Variants in GRIN2D observed in about 807,000 individuals in gnomAD.
GRIN2D encodes the protein glutamate ionotropic receptor NMDA type subunit 2D, also known as glutamate receptor ionotropic, NMDA 2D.
A neutral mutation model predicts 103.2 loss-of-function variants in GRIN2D; 37 were observed. The ratio of observed to expected loss-of-function variants is 0.36; its 90% confidence interval spans 0.28 to 0.47. The LOEUF (loss-of-function observed/expected upper bound fraction) is 0.47. GRIN2D is among the 20% of genes least tolerant of loss of function. The pLI, the probability that GRIN2D is intolerant of heterozygous loss-of-function variation, is 1.00. For synonymous variants in GRIN2D, 845 were observed against 885.6 expected (o/e 0.95, Z 0.81); for missense variants, 1,557 against 1,910.6 (o/e 0.81, Z 3.45).
At position 48,428,770 on chromosome 19, in the gene GRIN2D, C is replaced by G. The variant is rs191992358; in HGVS notation, c.2252+6825C>G. On this transcript the variant is annotated intron_variant, in intron 11 of 13. Transcript: ENST00000263269. ...CAGAGGCCCTATATACAAATAAGGT[C>G]GCATTCTGAAGTACTAGGGGCTAGG... 1.4e-4 allele frequency among the ~76,000 whole-genome samples: 21 copies of G among 152,208 alleles called. No individual in the cohort carries two copies. The East Asian group carries it at 3.9e-3, about 28-fold the overall frequency.
At chr19:48,426,078 A>C (rs1971081706) in intron 11 of GRIN2D, among the ~76,000 whole-genome samples, 1 of 152,188 alleles carries the variant, frequency 6.6e-6, no homozygotes, top group Non-Finnish European at 1.5e-5. Flanking sequence ...TTCATTGCTG[A>C]ATACCGTTGA....
rs1971301283 is a variant in GRIN2D at position 48,442,050 on chromosome 19, G to C, written c.2440+94G>C. 6.6e-7 allele frequency: 1 copy of C among 1,507,892 alleles called. No individual in the cohort carries two copies. The highest frequency in any genetic ancestry group is 1.7e-5 in the Admixed American group (1 of 58,094). The allele number at this position is 1,507,892 out of a possible 1,614,324, so 93.4% of individuals were successfully genotyped here. A position where few individuals can be genotyped will look rare whatever the true frequency, so the allele number is the denominator to read the frequency against. ...AAGGGACAAAGACCCGGACACCAGG[G>C]TCTGAGGGAGGAAGGGGCTAAGGGC... On this transcript the variant is annotated intron_variant, in intron 12 of 13. Transcript: ENST00000263269. The surrounding 1 kb of genome is among the most constrained non-coding windows in gnomAD (Gnocchi z 7.2).
rs1970674105 is a variant in GRIN2D, at chr19:48,398,765, G to A, written c.373G>A (p.Ala125Thr). ...VVFEDDSRAPAVAPILDFLSA... is the reference protein window; with the variant it reads ...VVFEDDSRAPTVAPILDFLSA... ...CTTCGAAGACGACTCGCGCGCGCCC[G>A]CCGTCGCGCCCATCCTCGACTTCCT... is the stretch of plus-strand genomic sequence containing the variant. The change falls in exon 3 of 14, where the codon GCC becomes ACC. Residue 125 changes from alanine (A) to threonine (T), a missense_variant. Physicochemically the swap from Ala to Thr is moderately conservative, Grantham distance 58. Transcript: ENST00000263269. 1 of 1,465,004 alleles carries A rather than the reference G, an allele frequency of 6.8e-7. No individual in the cohort carries two copies. Among genetic ancestry groups the A allele is most frequent in the Non-Finnish European group, 9.0e-7 (1 of 1,114,146 alleles). 90.8% of individuals were successfully genotyped at this position (1,465,004 alleles called of 1,614,324 possible). A position where few individuals can be genotyped will look rare whatever the true frequency, so the allele number is the denominator to read the frequency against.
chr19:48,443,987 C>G lies in GRIN2D; in HGVS notation c.*50C>G. The G allele has an allele frequency of 8.1e-7, 1 of 1,227,402 alleles. No homozygotes were observed. Among genetic ancestry groups the G allele is most frequent in the Non-Finnish European group, 1.1e-6 (1 of 947,638 alleles). The allele number at this position is 1,227,402 out of a possible 1,614,324, so 76.0% of individuals were successfully genotyped here. On this transcript the variant is annotated 3_prime_UTR_variant, in exon 14 of 14. Coordinates refer to ENST00000263269, the MANE Select transcript of GRIN2D (RefSeq NM_000836.4). The surrounding 1 kb of genome is among the most constrained non-coding windows in gnomAD (Gnocchi z 8.9). ...CCCTTGGTCAGCGCAGGCCACGGCC[C>G]GAGGGGGCGCCCGCAGTGGACAGGA...
Position 48,443,952 on chromosome 19 carries a change from C to A in GRIN2D, c.*15C>A, listed in dbSNP as rs1238857318. Reference sequence around the variant, plus strand: ...CCGAGGTATGACGCGGCCCCGGGGGCCCCACCGCCCCCTTGGTCAGCGCAG... The same window carrying A: ...CCGAGGTATGACGCGGCCCCGGGGGACCCACCGCCCCCTTGGTCAGCGCAG... On this transcript the variant is annotated 3_prime_UTR_variant, in exon 14 of 14. Transcript: ENST00000263269. The surrounding 1 kb of genome is among the most constrained non-coding windows in gnomAD (Gnocchi z 8.9). 7.3e-7 allele frequency: 1 copy of A among 1,375,034 alleles called. No homozygotes were observed. The highest frequency in any genetic ancestry group is 9.4e-7 in the Non-Finnish European group (1 of 1,062,040). 85.2% of individuals were successfully genotyped at this position (1,375,034 alleles called of 1,614,324 possible). A position where few individuals can be genotyped will look rare whatever the true frequency, so the allele number is the denominator to read the frequency against.
Position 48,444,098 on chromosome 19 carries a change from G to A in GRIN2D, c.*161G>A. 2.2e-6 allele frequency: 1 copy of A among 456,710 alleles called. No individual in the cohort carries two copies. Among genetic ancestry groups the A allele is most frequent in the Non-Finnish European group, 3.8e-6 (1 of 265,460 alleles). 28.3% of individuals were successfully genotyped at this position (456,710 alleles called of 1,614,324 possible). On this transcript the variant is annotated 3_prime_UTR_variant, in exon 14 of 14. Transcript: ENST00000263269. The surrounding 1 kb of genome is among the most constrained non-coding windows in gnomAD (Gnocchi z 5.5). Reference sequence around the variant, plus strand: ...TGCGCCCCCTGGTTCTGGAGGAACCGCAAGCCGGAGAGGATTTGGTCCCTC... The same window carrying A: ...TGCGCCCCCTGGTTCTGGAGGAACCACAAGCCGGAGAGGATTTGGTCCCTC...
chr19:48,443,177 G>C lies in GRIN2D; in HGVS notation c.3251G>C (p.Gly1084Ala). 2 of 1,069,452 alleles carry C rather than the reference G, an allele frequency of 1.9e-6. No individual in the cohort carries two copies. The highest frequency in any genetic ancestry group is 5.1e-5 in the East Asian group (1 of 19,502). 66.2% of individuals were successfully genotyped at this position (1,069,452 alleles called of 1,614,324 possible). Reference protein sequence around the residue: ...PGAGGAGGTGGAGGGAPAAPP... With the variant: ...PGAGGAGGTGAAGGGAPAAPP... The stretch of plus-strand genomic sequence containing the variant: ...GCGGGCGGCGCGGGGGGCACGGGGG[G>C]CGCAGGCGGAGGAGCCCCGGCCGCT... Residue 1084 changes from glycine to alanine, a missense_variant, in exon 14 of 14, where the codon GGC becomes GCC. By Grantham distance (60) the Gly-to-Ala change is moderately conservative (BLOSUM62 0). This residue lies in a region of GRIN2D where 632 missense variants were observed against 572.8 expected (regional missense o/e 1.10). Transcript: ENST00000263269. The surrounding 1 kb of genome is among the most constrained non-coding windows in gnomAD (Gnocchi z 8.9).
chr19:48,436,295 C>T (rs964880943), intron 11 of GRIN2D, among the ~76,000 whole-genome samples: 4 of 151,798 alleles, frequency 2.6e-5, no homozygotes, highest in Non-Finnish European at 4.4e-5. Context: ...CACAGGCGGT[C>T]GAAGTGAGGT....
intron 11 of GRIN2D, among the ~76,000 whole-genome samples, chr19:48,428,642 C>T (rs1482430912): frequency 2.0e-5 from 3 of 152,106 alleles, no homozygotes; most frequent in Admixed American, 1.3e-4. Context: ...GGATTACAGG[C>T]GTGAGCCACT....
intron 10 of GRIN2D, among the ~76,000 whole-genome samples, 165 bp downstream of exon 10, chr19:48,419,979 T>C (rs1439929504): frequency 6.6e-6 from 1 of 151,244 alleles, no homozygotes; most frequent in Non-Finnish European, 1.5e-5. Flanking sequence ...AATGGTAGAA[T>C]GGAATGTTGT....
intron 11 of GRIN2D, among the ~76,000 whole-genome samples, chr19:48,435,372 G>A (rs571044136): frequency 3.6e-5 from 5 of 138,882 alleles, no homozygotes; most frequent in East Asian, 2.2e-4. Flanking sequence ...TCACTGCAAC[G>A]TCCGCCTCCC....
At chr19:48,432,729 G>C (rs1462755727) in intron 11 of GRIN2D, among the ~76,000 whole-genome samples, 1 of 151,354 alleles carries the variant, frequency 6.6e-6, no homozygotes, top group African/African-American at 2.4e-5. Flanking sequence ...AAAGTGTTAG[G>C]ATTACAGGTG....
chr19:48,426,932 G>GTCCCCCCCCAAACACTTC (rs1354738371), intron 11 of GRIN2D, among the ~76,000 whole-genome samples: 7 of 152,100 alleles, frequency 4.6e-5, no homozygotes, highest in Non-Finnish European at 7.3e-5. Context: ...GTGTTTGGGG[G>GTCCCCCCCCAAACACTTC]ACATACACAT....
At chr19:48,415,183 C>G (rs1970929228) in intron 7 of GRIN2D, 151 bp downstream of exon 7, 1 of 692,228 alleles carries the variant, frequency 1.4e-6, no homozygotes, top group South Asian at 2.0e-5. Flanking sequence ...CCAGTTTGGG[C>G]AAAACGGTGA....
rs577903365 is a variant in GRIN2D, at chr19:48,398,767, C to T, written c.375C>T (p.Ala125=). 2.6e-4 allele frequency: 378 copies of T among 1,465,528 alleles called. 1 individual carries two copies. The African/African-American group carries it at 4.6e-3, about 18-fold the overall frequency. The allele number at this position is 1,465,528 out of a possible 1,614,324, so 90.8% of individuals were successfully genotyped here. A position where few individuals can be genotyped will look rare whatever the true frequency, so the allele number is the denominator to read the frequency against. ...TCGAAGACGACTCGCGCGCGCCCGCCGTCGCGCCCATCCTCGACTTCCTGT... is the reference window on the plus strand; with the variant it reads ...TCGAAGACGACTCGCGCGCGCCCGCTGTCGCGCCCATCCTCGACTTCCTGT... ...VVFEDDSRAP[A]VAPILDFLSA... The change falls in exon 3 of 14, where the codon GCC becomes GCT. Residue 125 remains alanine, a synonymous_variant. Coordinates refer to ENST00000263269, the MANE Select transcript of GRIN2D (RefSeq NM_000836.4).
At chr19:48,428,673 T>A (rs1041362874) in intron 11 of GRIN2D, among the ~76,000 whole-genome samples, 1 of 152,120 alleles carries the variant, frequency 6.6e-6, no homozygotes, top group Non-Finnish European at 1.5e-5. Context: ...CAAGTTCCCC[T>A]TTTTATAAGG....
chr19:48,443,263 T>A lies in GRIN2D; in HGVS notation c.3337T>A (p.Ser1113Thr). ...CPYLDLEPSP[S>T]DSEDSESLGG... ...TTACCTCGATCTCGAGCCGTCGCCGTCGGACTCGGAGGACTCGGAGAGCCT... is the reference window on the plus strand; with the variant it reads ...TTACCTCGATCTCGAGCCGTCGCCGACGGACTCGGAGGACTCGGAGAGCCT... The change falls in exon 14 of 14, where the codon TCG (serine) becomes ACG (threonine). Residue 1113 changes from serine (S) to threonine (T), a missense_variant. Physicochemically the swap from Ser to Thr is moderately conservative, Grantham distance 58. Coordinates refer to ENST00000263269, the MANE Select transcript of GRIN2D (RefSeq NM_000836.4). This position sits in a 1 kb window ranked among gnomAD's most constrained non-coding sequence, Gnocchi z 8.9. 1.4e-6 allele frequency: 2 copies of A among 1,456,320 alleles called. No homozygotes were observed. Among genetic ancestry groups the A allele is most frequent in the Non-Finnish European group, 1.8e-6 (2 of 1,103,144 alleles). 90.2% of individuals were successfully genotyped at this position (1,456,320 alleles called of 1,614,324 possible). A position where few individuals can be genotyped will look rare whatever the true frequency, so the allele number is the denominator to read the frequency against.
intron 4 of GRIN2D, among the ~76,000 whole-genome samples, chr19:48,406,754 T>A (rs1439629491): frequency 3.9e-5 from 6 of 151,992 alleles, no homozygotes; most frequent in Non-Finnish European, 5.9e-5. Context: ...GTAATGGAGG[T>A]CATGCGGGCA....
At chr19:48,433,627 C>T (rs975839650) in intron 11 of GRIN2D, among the ~76,000 whole-genome samples, 2 of 152,190 alleles carry the variant, frequency 1.3e-5, no homozygotes, top group African/African-American at 4.8e-5. Context: ...AGCTTCTCCT[C>T]CCAGCCAGTT....
Sources: gnomAD v4.1 joint callset for allele counts (sites outside exome capture counted in the v4.1 genomes callset) on GRCh38, gnomAD v4.1.1 for gene constraint, gnomAD v4.1.1 regional missense constraint, Gnocchi (gnomAD v3.1) non-coding constraint, MANE v1.5 for transcripts, NCBI Gene and HGNC (gene_info 2026-07-23, HGNC 2026-07-21) for gene names.